The following OPCML variants were observed in gnomAD, a reference collection of about 807,000 sequenced individuals.
The protein encoded by OPCML is opioid-binding protein/cell adhesion molecule.
OPCML carries 13 observed loss-of-function variants against 37.8 expected under a neutral mutation model. The ratio of observed to expected loss-of-function variants is 0.34; its 90% CI spans 0.22 to 0.55. The LOEUF is 0.55. Among genes scored for constraint, OPCML ranks in the 20% least tolerant of loss-of-function variants. OPCML has a pLI of 0.91. For synonymous variants in OPCML, 176 were observed against 168.8 expected, an observed-to-expected ratio of 1.04 and a Z score of -0.33; for missense variants, 341 against 435.6, an observed-to-expected ratio of 0.78 and a Z score of 1.93.
At chr11:132,702,171 A>G (rs1307594832) in intron 2 of OPCML, among the ~76,000 whole-genome samples, 10 of 152,322 alleles carry the variant, frequency 6.6e-5, no homozygotes, top group African/African-American at 2.2e-4. Context: ...TACATTGCAC[A>G]TATTTTCTTG....
intron 2 of OPCML, among the ~76,000 whole-genome samples, chr11:132,937,416 G>T (rs893132432): frequency 1.8e-4 from 28 of 152,032 alleles, no homozygotes; most frequent in African/African-American, 6.5e-4. Flanking sequence ...CAGAAAGCCA[G>T]GGAACATATA....
Position 132,863,378 on chromosome 11 carries a change from A to G in OPCML, c.146+79548T>C, listed in dbSNP as rs150805829. 1.7e-3 allele frequency among the ~76,000 whole-genome samples: 264 copies of G among 152,330 alleles called. 1 individual carries two copies. The highest frequency in any genetic ancestry group is 6.1e-3 in the African/African-American group (252 of 41,576). On this transcript the variant is annotated intron_variant, in intron 2 of 7. Transcript: ENST00000524381. ...CTAGGCAGTGAGGACGTGTGTGAAT[A>G]TGACACAACGGGTATACTGACTTCT...
At chr11:133,314,353 C>CT (rs1239287519) in intron 1 of OPCML, among the ~76,000 whole-genome samples, 1 of 149,812 alleles carries the variant, frequency 6.7e-6, no homozygotes, top group Non-Finnish European at 1.5e-5. Flanking sequence ...AAACATCCTT[C>CT]TAAACTTCAT....
rs866444450 is a variant in OPCML at position 132,888,234 on chromosome 11, T to C, written c.146+54692A>G. Among the ~76,000 whole-genome samples, 15 of 152,132 alleles carry C rather than the reference T, an allele frequency of 9.9e-5. No individual in the cohort carries two copies. The South Asian group carries it at 2.9e-3, about 29-fold the overall frequency. The stretch of plus-strand genomic sequence containing the variant: ...GATCTGGGTGGGACGTCTCACCCCA[T>C]ACCACAAGGCACATGGGCCCAACCA... On this transcript the variant is annotated intron_variant, in intron 2 of 7. Coordinates refer to ENST00000524381, the MANE Select transcript of OPCML (RefSeq NM_001012393.5).
At chr11:133,006,362 C>A in intron 1 of OPCML, 2 of 819,862 alleles carry the variant, frequency 2.4e-6, no homozygotes, top group Non-Finnish European at 2.9e-6. Flanking sequence ...AAATGGTCTG[C>A]AATCCTGAAT....
Position 132,871,311 on chromosome 11 carries a change from A to G in OPCML, c.146+71615T>C, listed in dbSNP as rs1942787067. Among the ~76,000 whole-genome samples, 3 of 152,104 alleles carry G rather than the reference A, an allele frequency of 2.0e-5. No homozygotes were observed. The South Asian group carries it at 6.2e-4, about 31-fold the overall frequency. ...CAATGCCTTGATTTGATTCTTACAC[A>G]TTGTATGCTTATATCAAAATATCAC... On this transcript the variant is annotated intron_variant, in intron 2 of 7. Transcript: ENST00000524381.
chr11:132,520,966 G>C (rs542937846), intron 4 of OPCML, among the ~76,000 whole-genome samples: 55 of 152,130 alleles, frequency 3.6e-4, no homozygotes, highest in African/African-American at 1.3e-3. Context: ...GAATCGCCAT[G>C]GTCTTCCACA....
rs1049569392 is a variant in OPCML at position 132,943,976 on chromosome 11, C to A, written c.62-966G>T. On this transcript the variant is annotated intron_variant, in intron 1 of 7. Transcript: ENST00000524381. The surrounding 1 kb of genome is among the most constrained non-coding windows in gnomAD (Gnocchi z 4.3). ...GCTCCATCCCTGACCGCCACTTTCT[C>A]CCGGTGCCGCCTCGGAGCGAGCGGG... 6.6e-6 allele frequency among the ~76,000 whole-genome samples: 1 copy of A among 151,886 alleles called. No homozygotes were observed. Among genetic ancestry groups the A allele is most frequent in the African/African-American group, 2.4e-5 (1 of 41,432 alleles).
rs145590251 is a variant in OPCML, at chr11:132,762,998, G to A, written c.147-105679C>T. Among the ~76,000 whole-genome samples, 807 of 152,254 alleles carry A rather than the reference G, an allele frequency of 5.3e-3. 9 individuals are homozygous for A. Among genetic ancestry groups the A allele is most frequent in the African/African-American group, 0.018 (767 of 41,566 alleles). ...GGGTTGCGAAGAACATGGGAAAAGC[G>A]TAGTATCTGGGCCAGATAGCACCAT... On this transcript the variant is annotated intron_variant, in intron 2 of 7. Transcript: ENST00000524381.
intron 1 of OPCML, among the ~76,000 whole-genome samples, chr11:132,957,017 G>A (rs1381907888): frequency 6.6e-6 from 1 of 152,184 alleles, no homozygotes; most frequent in African/African-American, 2.4e-5. Context: ...TCTAGTCCAA[G>A]ATACTTAACA....
chr11:132,554,052 T>C (rs1222184871), intron 3 of OPCML, among the ~76,000 whole-genome samples: 3 of 152,210 alleles, frequency 2.0e-5, no homozygotes, highest in Non-Finnish European at 4.4e-5. Flanking sequence ...GGAAATGCTC[T>C]GCCTGCCTGG....
chr11:133,296,435 CCGCTCAA>C lies in OPCML; in HGVS notation c.61+235822_61+235828del, dbSNP rs1428497954. On this transcript the variant is annotated intron_variant, in intron 1 of 7. Transcript: ENST00000524381. Reference sequence around the variant, plus strand: ...GAGTGAGGTTCATGATTCTGGAAGCCCGCTCAACAATTACATTACAGACTCTGATCAT... The same window carrying C: ...GAGTGAGGTTCATGATTCTGGAAGCCCAATTACATTACAGACTCTGATCAT... Among the ~76,000 whole-genome samples, 10 of 152,200 alleles carry C rather than the reference CCGCTCAA, an allele frequency of 6.6e-5. No individual in the cohort carries two copies. In the East Asian group the frequency reaches 1.7e-3, roughly 27 times the overall value.
At chr11:133,004,080 G>T (rs1175644700) in intron 1 of OPCML, 2 of 985,290 alleles carry the variant, frequency 2.0e-6, no homozygotes, top group Admixed American at 6.1e-5. Flanking sequence ...AAGAGCAGGG[G>T]CTGGCAGCTG....
intron 1 of OPCML, among the ~76,000 whole-genome samples, chr11:133,222,812 G>T (rs1251664456): frequency 6.6e-6 from 1 of 151,876 alleles, no homozygotes; most frequent in East Asian, 1.9e-4. Context: ...GGGAGCAAAG[G>T]GGGGCCGAGC....
At chr11:133,419,159 A>T in intron 1 of OPCML, 2 of 737,238 alleles carry the variant, frequency 2.7e-6, no homozygotes, top group Non-Finnish European at 3.3e-6. Flanking sequence ...CTCCTTCTCT[A>T]CTGCAATAGC....
intron 1 of OPCML, among the ~76,000 whole-genome samples, chr11:133,156,042 C>G (rs1950057971): frequency 6.6e-6 from 1 of 152,180 alleles, no homozygotes; most frequent in Non-Finnish European, 1.5e-5. Context: ...CATTTCTCAC[C>G]AGTCCATTGT....
intron 2 of OPCML, among the ~76,000 whole-genome samples, chr11:132,910,851 C>T (rs1944405885): frequency 6.6e-6 from 1 of 152,122 alleles, no homozygotes; most frequent in South Asian, 2.1e-4. Flanking sequence ...TCTTACAAAC[C>T]CTCAGGACCA....
At chr11:133,016,276 C>T (rs755407496) in intron 1 of OPCML, among the ~76,000 whole-genome samples, 2 of 152,126 alleles carry the variant, frequency 1.3e-5, no homozygotes, top group Non-Finnish European at 2.9e-5. Context: ...CTATTTGGGG[C>T]CCCTGCAGAA....
intron 1 of OPCML, among the ~76,000 whole-genome samples, chr11:133,140,742 C>T (rs1229469882): frequency 2.3e-5 from 3 of 133,012 alleles, no homozygotes; most frequent in Admixed American, 8.2e-5. Flanking sequence ...ACGACGACGA[C>T]GACGAGGAAG....
Sources: gnomAD v4.1 joint callset for allele counts (sites outside exome capture counted in the v4.1 genomes callset) on GRCh38, gnomAD v4.1.1 for gene constraint, Gnocchi (gnomAD v3.1) non-coding constraint, MANE v1.5 for transcripts, NCBI Gene and HGNC (gene_info 2026-07-23, HGNC 2026-07-21) for gene names.